The following TRIO variants were observed in gnomAD, a reference collection of about 807,000 sequenced individuals.
The protein encoded by TRIO is trio Rho guanine nucleotide exchange factor.
TRIO carries 58 observed loss-of-function variants against 351.9 expected under a neutral mutation model. That is an observed-to-expected ratio of 0.16 (90% CI 0.13 to 0.21). TRIO has a LOEUF of 0.21. TRIO is among the 10% of genes least tolerant of loss of function. The probability of loss-of-function intolerance (pLI) is 1.00; values close to 1 mark genes in which losing one functional copy is unlikely to be tolerated. For missense variants in TRIO, 3,201 were observed against 4,027.8 expected (o/e 0.79, Z 5.56); for synonymous variants, 1,758 against 1,595.7 (o/e 1.10, Z -2.42).
intron 6 of TRIO, among the ~76,000 whole-genome samples, chr5:14,294,239 A>G (rs1217868550): frequency 6.6e-6 from 1 of 152,186 alleles, no homozygotes; most frequent in African/African-American, 2.4e-5. Context: ...GTTTAAGTTA[A>G]TTCAGAAAGA....
intron 33 of TRIO, 81 bp from the exon 34 acceptor site, chr5:14,419,697 C>T: frequency 6.4e-7 from 1 of 1,568,244 alleles, no homozygotes; most frequent in Non-Finnish European, 8.7e-7. Context: ...CAGGAACCCA[C>T]CTGGAGGACT....
chr5:14,481,508 T>C, intron 44 of TRIO, 33 bp from the exon 45 acceptor site: 3 of 1,608,206 alleles, frequency 1.9e-6, no homozygotes, highest in Non-Finnish European at 2.6e-6. Context: ...TAGAGGAACT[T>C]GAGCTTTCAC....
intron 11 of TRIO, among the ~76,000 whole-genome samples, chr5:14,356,286 C>T (rs958592625): frequency 6.6e-6 from 1 of 152,000 alleles, no homozygotes; most frequent in Non-Finnish European, 1.5e-5. Context: ...AGTCAGTTTC[C>T]CTATGCATAT....
At chr5:14,205,402 T>TGAACAGTGAAC (rs1791392654) in intron 1 of TRIO, among the ~76,000 whole-genome samples, 1 of 152,210 alleles carries the variant, frequency 6.6e-6, no homozygotes, top group Non-Finnish European at 1.5e-5. Flanking sequence ...CAGTGAACAG[T>TGAACAGTGAAC]AGTTCCTCAG....
intron 1 of TRIO, among the ~76,000 whole-genome samples, chr5:14,175,054 A>AT (rs940966726): frequency 1.4e-4 from 21 of 151,830 alleles, no homozygotes; most frequent in African/African-American, 2.7e-4. Context: ...GATCATTACT[A>AT]TTTTTTTTAG....
At chr5:14,274,056 T>C (rs1735277879) in intron 2 of TRIO, among the ~76,000 whole-genome samples, 1 of 152,170 alleles carries the variant, frequency 6.6e-6, no homozygotes, top group African/African-American at 2.4e-5. Context: ...AATGTAAATG[T>C]TATAAAAAAC....
intron 1 of TRIO, among the ~76,000 whole-genome samples, chr5:14,185,446 A>T (rs1581302142): frequency 6.6e-6 from 1 of 152,216 alleles, no homozygotes; most frequent in Non-Finnish European, 1.5e-5. Flanking sequence ...CATGGCAGCC[A>T]CAGCACGTCT....
chr5:14,492,178 T>C (rs1756536094), intron 48 of TRIO, among the ~76,000 whole-genome samples: 1 of 152,248 alleles, frequency 6.6e-6, no homozygotes, highest in South Asian at 2.1e-4. Flanking sequence ...AATACCTTTT[T>C]TTAACTGATA....
intron 9 of TRIO, among the ~76,000 whole-genome samples, chr5:14,326,890 G>A (rs60384021): frequency 6.6e-6 from 1 of 152,030 alleles, no homozygotes; most frequent in Admixed American, 6.6e-5. Flanking sequence ...GGGGAGTTTG[G>A]TTTTGAATAT....
intron 37 of TRIO, 126 bp from the exon 38 acceptor site, chr5:14,471,192 C>A: frequency 7.8e-7 from 1 of 1,276,082 alleles, no homozygotes; most frequent in Non-Finnish European, 1.0e-6. Context: ...ATTTCACAAA[C>A]AAAGATTTTA....
intron 31 of TRIO, among the ~76,000 whole-genome samples, chr5:14,403,420 GGTGAGGGTGTAGGTT>G (rs1561447912): frequency 4.3e-4 from 38 of 88,598 alleles, no homozygotes; most frequent in African/African-American, 9.8e-4. Context: ...TGTAGGTTGT[GGTGAGGGTGTAGGTT>G]GTGGTGAGGG....
chr5:14,214,026 A>G (rs1361173424), intron 1 of TRIO, among the ~76,000 whole-genome samples: 1 of 152,238 alleles, frequency 6.6e-6, no homozygotes, highest in Non-Finnish European at 1.5e-5. Context: ...ATCTTACCTG[A>G]CTACAAGTGA....
chr5:14,199,195 C>CAAAAAAAAAAAAAAAAAAAAAAAAAAAA lies in TRIO; in HGVS notation c.157+55337_157+55338insAAAAAAAAAAAAAAAAAAAAAAAAAAAA, dbSNP rs58856067. The stretch of plus-strand genomic sequence containing the variant: ...CCAGCCTGGGCAACAGAGTGGGACT[C>CAAAAAAAAAAAAAAAAAAAAAAAAAAAA]AAAAAAAAAAAAAAAAAAAAAAAAC... On this transcript the variant is annotated intron_variant, in intron 1 of 56. Coordinates refer to ENST00000344204, the MANE Select transcript of TRIO (RefSeq NM_007118.4). 2.7e-5 allele frequency among the ~76,000 whole-genome samples: 2 copies of CAAAAAAAAAAAAAAAAAAAAAAAAAAAA among 74,234 alleles called. 1 individual carries two copies. Among genetic ancestry groups the CAAAAAAAAAAAAAAAAAAAAAAAAAAAA allele is most frequent in the Non-Finnish European group, 4.9e-5 (2 of 40,450 alleles). The allele number at this position is 74,234 out of a possible 152,430, so 48.7% of individuals were successfully genotyped here. A position where few individuals can be genotyped will look rare whatever the true frequency, so the allele number is the denominator to read the frequency against.
At chr5:14,484,965 C>T in intron 46 of TRIO, 104 bp from the exon 47 acceptor site, 2 of 1,239,014 alleles carry the variant, frequency 1.6e-6, no homozygotes, top group Non-Finnish European at 2.2e-6. Context: ...GAAAAACTGT[C>T]CACATAGCCC....
chr5:14,317,418 G>T (rs1269624916), intron 9 of TRIO, among the ~76,000 whole-genome samples: 1 of 152,206 alleles, frequency 6.6e-6, no homozygotes, highest in East Asian at 1.9e-4. Flanking sequence ...GGGAATGAAT[G>T]AGGTGTCACC....
chr5:14,434,332 T>C (rs1450450525), intron 34 of TRIO, among the ~76,000 whole-genome samples: 4 of 152,208 alleles, frequency 2.6e-5, no homozygotes. Flanking sequence ...TTTTTTTCGA[T>C]AATCATAAAC....
At chr5:14,434,482 CAG>C (rs1461840247) in intron 34 of TRIO, among the ~76,000 whole-genome samples, 1 of 152,074 alleles carries the variant, frequency 6.6e-6, no homozygotes, top group Non-Finnish European at 1.5e-5. Flanking sequence ...ACACAACACT[CAG>C]TTTTTTTTTT....
Position 14,207,313 on chromosome 5 carries a change from G to GTC in TRIO, c.157+63436_157+63437dup, listed in dbSNP as rs1210659400. ...CACAGCCAGGTAGCATAGCAAGACT[G>GTC]TCTCTCACACACACACACACACACA... On this transcript the variant is annotated intron_variant, in intron 1 of 56. Coordinates refer to ENST00000344204, the MANE Select transcript of TRIO (RefSeq NM_007118.4). Among the ~76,000 whole-genome samples the GTC allele has an allele frequency of 3.3e-4, 3 of 9,032 alleles. 1 individual carries two copies. The highest frequency in any genetic ancestry group is 1.1e-3 in the African/African-American group (3 of 2,674). The allele number at this position is 9,032 out of a possible 152,430, so 5.9% of individuals were successfully genotyped here.
rs944386147 is a variant in TRIO, at chr5:14,286,359, A to G, written c.348-512A>G. 6.6e-6 allele frequency among the ~76,000 whole-genome samples: 1 copy of G among 152,116 alleles called. No individual in the cohort carries two copies. The highest frequency in any genetic ancestry group is 6.5e-5 in the Admixed American group (1 of 15,276). On this transcript the variant is annotated intron_variant, in intron 3 of 56. Coordinates refer to ENST00000344204, the MANE Select transcript of TRIO (RefSeq NM_007118.4). The surrounding 1 kb of genome is among the most constrained non-coding windows in gnomAD (Gnocchi z 4.4). ...TAAAATGGAACATAAGAAAGTTCTC[A>G]TCATTGCCAGCCATGCTAGTGGGGG...
Sources: allele counts gnomAD v4.1 joint callset (sites outside exome capture counted in the v4.1 genomes callset), GRCh38; gene constraint gnomAD v4.1.1; non-coding constraint Gnocchi (gnomAD v3.1); transcripts MANE v1.5; gene names NCBI Gene and HGNC (gene_info 2026-07-23, HGNC 2026-07-21).